Variants in ZNRF1 observed in about 807,000 individuals in gnomAD.
The protein encoded by ZNRF1 is E3 ubiquitin-protein ligase ZNRF1.
Under a neutral mutation model 18.4 loss-of-function variants are expected in ZNRF1, and 3 were observed. The observed-to-expected ratio is 0.16, with a 90% CI of 0.07 to 0.42. The LOEUF (loss-of-function observed/expected upper bound fraction) is 0.42. Ranked by LOEUF, ZNRF1 falls within the 10% of genes least tolerant of loss-of-function variation. The pLI is 0.99. For synonymous variants in ZNRF1, 157 were observed against 144.2 expected (o/e 1.09, Z -0.64); for missense variants, 310 against 329.8 (o/e 0.94, Z 0.47).
intron 1 of ZNRF1, among the ~76,000 whole-genome samples, chr16:75,016,768 C>G (rs899541422): frequency 2.2e-5 from 3 of 138,248 alleles, no homozygotes; most frequent in African/African-American, 8.3e-5. Context: ...TGGTCTCGAA[C>G]TCCTGACCTC....
Position 75,039,801 on chromosome 16 carries a change from T to C in ZNRF1, c.424+39706T>C, listed in dbSNP as rs368335916. Among the ~76,000 whole-genome samples the C allele has an allele frequency of 3.7e-4, 57 of 152,262 alleles. No individual in the cohort carries two copies. In the Middle Eastern group the frequency reaches 0.01, roughly 27 times the overall value. ...AAGCACTGTTAATAGAGAAATCCCT[T>C]TCATAGTTCTTTGCCAGAAAACTAC... On this transcript the variant is annotated intron_variant, in intron 1 of 4. Coordinates refer to ENST00000335325, the MANE Select transcript of ZNRF1 (RefSeq NM_032268.5).
chr16:75,095,714 C>G (rs1047603579), intron 2 of ZNRF1: 18 of 1,547,532 alleles, frequency 1.2e-5, no homozygotes, highest in Non-Finnish European at 1.6e-5. Context: ...GGCCCAAATG[C>G]AGAGTTACCC....
At chr16:75,077,630 C>G (rs2035957371) in intron 1 of ZNRF1, among the ~76,000 whole-genome samples, 1 of 152,220 alleles carries the variant, frequency 6.6e-6, no homozygotes, top group Admixed American at 6.5e-5. Flanking sequence ...CAAATATCCA[C>G]AAATTTGACA....
intron 1 of ZNRF1, among the ~76,000 whole-genome samples, chr16:75,062,821 A>C (rs2035759626): frequency 6.6e-6 from 1 of 152,090 alleles, no homozygotes; most frequent in African/African-American, 2.4e-5. Context: ...AATAGCAAGT[A>C]CCCCCTTGCC....
Position 75,110,686 on chromosome 16 carries a change from C to G in ZNRF1, c.*2986C>G, listed in dbSNP as rs2036372013. The G allele has an allele frequency of 6.6e-6, 1 of 152,206 alleles. No homozygotes were observed. Among genetic ancestry groups the G allele is most frequent in the African/African-American group, 2.4e-5 (1 of 41,434 alleles). The allele number at this position is 152,206 out of a possible 1,614,324, so 9.4% of individuals were successfully genotyped here. A position where few individuals can be genotyped will look rare whatever the true frequency, so the allele number is the denominator to read the frequency against. On this transcript the variant is annotated 3_prime_UTR_variant, in exon 5 of 5. Coordinates refer to ENST00000335325, the MANE Select transcript of ZNRF1 (RefSeq NM_032268.5). Reference sequence around the variant, plus strand: ...ACTTTTCTGTATGTTTGGAATTTTTCTTAATAAAAGATTGTGGGAAATGGT... The same window carrying G: ...ACTTTTCTGTATGTTTGGAATTTTTGTTAATAAAAGATTGTGGGAAATGGT...
chr16:75,017,317 T>A (rs150172064), intron 1 of ZNRF1, among the ~76,000 whole-genome samples: 1 of 152,288 alleles, frequency 6.6e-6, no homozygotes, highest in Non-Finnish European at 1.5e-5. Context: ...TTTGGGCTTA[T>A]CCATGAATCT....
chr16:75,033,286 T>C (rs1020342938), intron 1 of ZNRF1, among the ~76,000 whole-genome samples: 7 of 151,430 alleles, frequency 4.6e-5, no homozygotes, highest in African/African-American at 1.7e-4. Flanking sequence ...AAAGGAATGC[T>C]TGCAGGAATT....
At chr16:75,097,646 C>A (rs1351634610) in intron 2 of ZNRF1, among the ~76,000 whole-genome samples, 1 of 151,930 alleles carries the variant, frequency 6.6e-6, no homozygotes, top group Non-Finnish European at 1.5e-5. Flanking sequence ...ATAGTGAGAC[C>A]CCATTTACTA....
rs117632679 is a variant in ZNRF1 at position 75,056,432 on chromosome 16, G to A, written c.425-37140G>A. On this transcript the variant is annotated intron_variant, in intron 1 of 4. Transcript: ENST00000335325. ...GTTTAAAAGTGAGGTATAAGATTAT[G>A]TATGATGTTGATGTTATGTGTGAGG... Among the ~76,000 whole-genome samples, 1,055 of 152,244 alleles carry A rather than the reference G, an allele frequency of 6.9e-3. 6 individuals carry two copies. Among genetic ancestry groups the A allele is most frequent in the Non-Finnish European group, 0.01 (700 of 67,980 alleles).
chr16:75,096,196 T>C (rs902199457), intron 2 of ZNRF1, among the ~76,000 whole-genome samples: 1 of 152,070 alleles, frequency 6.6e-6, no homozygotes, highest in African/African-American at 2.4e-5. Context: ...GTCCTTCCAG[T>C]GGACTTTGTC....
intron 1 of ZNRF1, among the ~76,000 whole-genome samples, chr16:75,028,417 C>G (rs897869412): frequency 1.3e-5 from 2 of 152,228 alleles, no homozygotes; most frequent in Non-Finnish European, 2.9e-5. Flanking sequence ...CCTCAGCCTC[C>G]CAAGTAGCTG....
chr16:75,051,203 A>G (rs2035598703), intron 1 of ZNRF1, among the ~76,000 whole-genome samples: 1 of 151,742 alleles, frequency 6.6e-6, no homozygotes, highest in Non-Finnish European at 1.5e-5. Context: ...CCCACCTCCA[A>G]ATACATCTAT....
intron 1 of ZNRF1, among the ~76,000 whole-genome samples, chr16:75,004,112 C>A (rs984465410): frequency 6.6e-6 from 1 of 152,080 alleles, no homozygotes; most frequent in African/African-American, 2.4e-5. Context: ...AGGCATGAGC[C>A]ACCGTGCCAG....
chr16:75,055,642 T>G (rs2035658165), intron 1 of ZNRF1, among the ~76,000 whole-genome samples: 1 of 152,176 alleles, frequency 6.6e-6, no homozygotes, highest in South Asian at 2.1e-4. Flanking sequence ...AAGAAGGAGC[T>G]CCTTCCTACC....
At chr16:75,022,334 C>T (rs1019833458) in intron 1 of ZNRF1, among the ~76,000 whole-genome samples, 21 of 151,834 alleles carry the variant, frequency 1.4e-4, no homozygotes, top group South Asian at 2.1e-4. Context: ...GAGGCTGTGG[C>T]GGGTGGATCA....
rs181419004 is a variant in ZNRF1, at chr16:75,110,716, T to C, written c.*3016T>C. 3.3e-5 allele frequency: 5 copies of C among 152,406 alleles called. No homozygotes were observed. The East Asian group carries it at 9.6e-4, about 29-fold the overall frequency. The allele number at this position is 152,406 out of a possible 1,614,324, so 9.4% of individuals were successfully genotyped here. ...TAAAAGATTGTGGGAAATGGTCATT[T>C]GCTGAGCGCCTCCTAGTTGCCAGGC... On this transcript the variant is annotated 3_prime_UTR_variant, in exon 5 of 5. Transcript: ENST00000335325.
intron 1 of ZNRF1, among the ~76,000 whole-genome samples, chr16:75,059,980 T>G (rs1318551499): frequency 6.6e-6 from 1 of 152,160 alleles, no homozygotes; most frequent in Non-Finnish European, 1.5e-5. Flanking sequence ...GCCCAGGATA[T>G]TAGGAGCTTC....
At chr16:75,052,386 G>A (rs1246507524) in intron 1 of ZNRF1, among the ~76,000 whole-genome samples, 2 of 150,222 alleles carry the variant, frequency 1.3e-5, no homozygotes, top group African/African-American at 2.5e-5. Context: ...GAGTGACAGA[G>A]CCAGACCCTG....
intron 1 of ZNRF1, among the ~76,000 whole-genome samples, chr16:75,005,972 G>C (rs950882115): frequency 2.6e-5 from 4 of 152,130 alleles, no homozygotes; most frequent in Non-Finnish European, 5.9e-5. Context: ...AGTGCTCCTA[G>C]GCTACAAACC....
Sources: gnomAD v4.1 joint callset for allele counts (sites outside exome capture counted in the v4.1 genomes callset) on GRCh38, gnomAD v4.1.1 for gene constraint, MANE v1.5 for transcripts, NCBI Gene and HGNC (gene_info 2026-07-23, HGNC 2026-07-21) for gene names.